The following SVEP1 variants were observed in gnomAD, a reference collection of about 807,000 sequenced individuals.
The protein encoded by SVEP1 is sushi, von Willebrand factor type A, EGF and pentraxin domain containing 1, also known as sushi, von Willebrand factor type A, EGF and pentraxin domain-containing protein 1.
SVEP1 carries 164 observed loss-of-function variants against 367.3 expected under a neutral mutation model. The ratio of observed to expected loss-of-function variants is 0.45; its 90% CI spans 0.39 to 0.51. The LOEUF (loss-of-function observed/expected upper bound fraction) is 0.51. SVEP1 is among the 20% of genes least tolerant of loss of function. The probability of loss-of-function intolerance (pLI) is 0.00; values close to 1 mark genes in which losing one functional copy is unlikely to be tolerated. For missense variants in SVEP1, 4,117 were observed against 4,425.3 expected (o/e 0.93, Z 1.98); for synonymous variants, 1,666 against 1,611.6 (o/e 1.03, Z -0.81).
chr9:110,460,316 T>A (rs561061056), intron 18 of SVEP1, among the ~76,000 whole-genome samples: 2 of 84,036 alleles, frequency 2.4e-5, no homozygotes, highest in East Asian at 8.7e-4. Flanking sequence ...TTGTTCATTA[T>A]ATCTAAAGAT....
intron 36 of SVEP1, among the ~76,000 whole-genome samples, chr9:110,422,985 G>A (rs1174623807): frequency 4.0e-5 from 5 of 125,818 alleles, no homozygotes; most frequent in South Asian, 2.8e-4. Context: ...TCGGGGGAGC[G>A]GGGAGGGATA....
intron 36 of SVEP1, among the ~76,000 whole-genome samples, chr9:110,424,630 T>C (rs1828225197): frequency 6.6e-6 from 1 of 152,182 alleles, no homozygotes. Context: ...CAGCAATGGA[T>C]ACATGGGTGA....
At chr9:110,515,450 G>C (rs977386431) in intron 3 of SVEP1, among the ~76,000 whole-genome samples, 1 of 151,874 alleles carries the variant, frequency 6.6e-6, no homozygotes, top group South Asian at 2.1e-4. Flanking sequence ...ACAGGCACCC[G>C]CCACCACGCC....
At chr9:110,522,033 G>A (rs1313722928) in intron 3 of SVEP1, among the ~76,000 whole-genome samples, 2 of 151,928 alleles carry the variant, frequency 1.3e-5, no homozygotes, top group African/African-American at 2.4e-5. Context: ...TTAAACTCAC[G>A]AGTCTCTTGT....
At chr9:110,390,629 G>A (rs978233173) in intron 40 of SVEP1, among the ~76,000 whole-genome samples, 6 of 151,834 alleles carry the variant, frequency 4.0e-5, no homozygotes, top group Non-Finnish European at 7.4e-5. Context: ...TGATTCTCAA[G>A]CAGATGGTAG....
chr9:110,488,521 G>A (rs61290891), intron 9 of SVEP1, among the ~76,000 whole-genome samples: 4,282 of 152,108 alleles, frequency 0.028, 193 homozygotes, highest in African/African-American at 0.098. Flanking sequence ...CTAACATCAA[G>A]GAAGCTAAGG....
intron 22 of SVEP1, among the ~76,000 whole-genome samples, chr9:110,452,036 T>C (rs1282261275): frequency 6.6e-6 from 1 of 152,166 alleles, no homozygotes; most frequent in Non-Finnish European, 1.5e-5. Flanking sequence ...GTACAAAGAC[T>C]CGTTGGGTTG....
intron 18 of SVEP1, 34 bp from the exon 19 acceptor site, chr9:110,459,147 A>T: frequency 6.3e-7 from 1 of 1,596,188 alleles, no homozygotes; most frequent in Non-Finnish European, 8.6e-7. Flanking sequence ...ATGTGCATAT[A>T]AAGTAACACA....
At chr9:110,574,692 T>A (rs1830604012) in intron 1 of SVEP1, among the ~76,000 whole-genome samples, 1 of 151,620 alleles carries the variant, frequency 6.6e-6, no homozygotes, top group Admixed American at 6.6e-5. Context: ...AAAGTTACAA[T>A]GCAGACATGT....
chr9:110,572,026 T>C (rs1830569228), intron 1 of SVEP1, among the ~76,000 whole-genome samples: 1 of 152,232 alleles, frequency 6.6e-6, no homozygotes, highest in Non-Finnish European at 1.5e-5. Flanking sequence ...TTACATCTTG[T>C]GTAACAGTTT....
At chr9:110,455,822 G>T in intron 21 of SVEP1, 119 bp from the exon 22 acceptor site, 1 of 676,428 alleles carries the variant, frequency 1.5e-6, no homozygotes, top group Non-Finnish European at 2.3e-6. Context: ...TAGTGGTAAA[G>T]GGTAATATTC....
chr9:110,512,507 C>T lies in SVEP1; in HGVS notation c.1303+419G>A, dbSNP rs567873831. On this transcript the variant is annotated intron_variant, in intron 5 of 47. Transcript: ENST00000374469. ...TACTTTCTATAACGGGTCGACTAGC[C>T]GAAGTAAAGGCTGGAGATTACAAGT... 1.3e-4 allele frequency among the ~76,000 whole-genome samples: 20 copies of T among 152,098 alleles called. No individual in the cohort carries two copies. The South Asian group carries it at 1.9e-3, about 14-fold the overall frequency.
At chr9:110,442,979 A>C (rs1009749926) in intron 27 of SVEP1, 1 of 152,206 alleles carries the variant, frequency 6.6e-6, no homozygotes, top group African/African-American at 2.4e-5. Flanking sequence ...ACAAATGAGC[A>C]AAGTAAAAAA....
chr9:110,387,256 T>C (rs767077311), intron 42 of SVEP1, 29 bp downstream of exon 42: 1 of 1,547,812 alleles, frequency 6.5e-7, no homozygotes, highest in Non-Finnish European at 8.7e-7. Context: ...CTGAATCTGA[T>C]TAAAATTTCT....
At chr9:110,423,781 A>AT (rs1409303069) in intron 36 of SVEP1, among the ~76,000 whole-genome samples, 1 of 151,316 alleles carries the variant, frequency 6.6e-6, no homozygotes, top group Non-Finnish European at 1.5e-5. Flanking sequence ...TCCTGAAAAT[A>AT]TAAGTCAATA....
intron 3 of SVEP1, among the ~76,000 whole-genome samples, chr9:110,526,277 A>G (rs1281643416): frequency 3.9e-5 from 6 of 152,114 alleles, no homozygotes; most frequent in Admixed American, 6.6e-5. Flanking sequence ...TTCAACCTAC[A>G]TATCTGACAT....
intron 22 of SVEP1, among the ~76,000 whole-genome samples, chr9:110,454,729 G>A (rs1196614638): frequency 6.6e-6 from 1 of 152,178 alleles, no homozygotes; most frequent in Non-Finnish European, 1.5e-5. Context: ...AATACTGCAT[G>A]TTCTCACTTA....
At chr9:110,455,052 G>C (rs945881874) in intron 22 of SVEP1, among the ~76,000 whole-genome samples, 1 of 152,096 alleles carries the variant, frequency 6.6e-6, no homozygotes, top group Non-Finnish European at 1.5e-5. Flanking sequence ...AAGTTAAAAG[G>C]AGAGGCATAG....
chr9:110,538,954 T>G (rs1830111365), intron 3 of SVEP1, among the ~76,000 whole-genome samples: 1 of 152,092 alleles, frequency 6.6e-6, no homozygotes, highest in South Asian at 2.1e-4. Context: ...AATATTTTGG[T>G]TTTAAATAAA....
Sources: gnomAD v4.1 joint callset for allele counts (sites outside exome capture counted in the v4.1 genomes callset) on GRCh38, gnomAD v4.1.1 for gene constraint, MANE v1.5 for transcripts, NCBI Gene and HGNC (gene_info 2026-07-23, HGNC 2026-07-21) for gene names.